The following PBX1 variants were observed in gnomAD, a reference collection of about 807,000 sequenced individuals.
PBX1 encodes PBX homeobox 1.
In PBX1, 6 loss-of-function variants were observed where a neutral mutation model predicts 53.4. The ratio of observed to expected loss-of-function variants is 0.11; its 90% CI spans 0.06 to 0.22. The LOEUF is 0.22. Among genes scored for constraint, PBX1 ranks in the 10% least tolerant of loss-of-function variants. PBX1 has a pLI of 1.00. For synonymous variants in PBX1, 204 were observed against 212.3 expected, an observed-to-expected ratio of 0.96 and a Z score of 0.34; for missense variants, 251 against 551.4, an observed-to-expected ratio of 0.46 and a Z score of 5.46.
chr1:164,778,506 G>C (rs1051446056), intron 2 of PBX1, among the ~76,000 whole-genome samples: 1 of 152,040 alleles, frequency 6.6e-6, no homozygotes, highest in Non-Finnish European at 1.5e-5. Context: ...GCGTGGTAGT[G>C]TGTGCCTGTA....
intron 2 of PBX1, among the ~76,000 whole-genome samples, chr1:164,598,461 G>C (rs7535204): frequency 0.49 from 75,039 of 151,940 alleles, 19,169 homozygotes; most frequent in Middle Eastern, 0.56. Flanking sequence ...TATCTCTCCA[G>C]TCCAAACCTT....
chr1:164,615,168 A>G (rs1657186725), intron 2 of PBX1, among the ~76,000 whole-genome samples: 1 of 152,184 alleles, frequency 6.6e-6, no homozygotes, highest in African/African-American at 2.4e-5. Flanking sequence ...AGTCAAAGGA[A>G]GTTTATGGAC....
intron 2 of PBX1, among the ~76,000 whole-genome samples, chr1:164,720,381 T>C (rs562473245): frequency 6.6e-6 from 1 of 152,268 alleles, no homozygotes; most frequent in Non-Finnish European, 1.5e-5. Context: ...TTTTACTGTA[T>C]GTGAAGTCAC....
At chr1:164,732,251 A>C (rs904852995) in intron 2 of PBX1, among the ~76,000 whole-genome samples, 8 of 152,152 alleles carry the variant, frequency 5.3e-5, no homozygotes, top group African/African-American at 1.7e-4. Flanking sequence ...TTTTTGAAGT[A>C]AGGAATTGAT....
chr1:164,563,184 G>T, intron 1 of PBX1, 54 bp from the exon 2 acceptor site: 1 of 1,211,766 alleles, frequency 8.3e-7, no homozygotes, highest in East Asian at 2.4e-5. Flanking sequence ...GTGCATTATC[G>T]GCAGTTTGAT....
chr1:164,703,945 G>T (rs1663278340), intron 2 of PBX1, among the ~76,000 whole-genome samples: 2 of 152,118 alleles, frequency 1.3e-5, no homozygotes, highest in Admixed American at 1.3e-4. Flanking sequence ...GCCCTGAATT[G>T]CATTTGAATC....
In PBX1 at chr1:164,769,985, G is replaced by A. The variant is rs1033128101; in HGVS notation, c.266-22509G>A. The A allele has an allele frequency of 3.3e-5, 5 of 152,232 alleles. No individual in the cohort carries two copies. In the East Asian group the frequency reaches 9.7e-4, roughly 29 times the overall value. The allele number at this position is 152,232 out of a possible 1,614,324, so 9.4% of individuals were successfully genotyped here. ...AAGCCCAGGGTAGTGCAAAGAGCATGGACATTGAAGAACTGCACTTGCGTA... is the reference window on the plus strand; with the variant it reads ...AAGCCCAGGGTAGTGCAAAGAGCATAGACATTGAAGAACTGCACTTGCGTA... On this transcript the variant is annotated intron_variant, in intron 2 of 8. Coordinates refer to ENST00000420696, the MANE Select transcript of PBX1 (RefSeq NM_002585.4).
At chr1:164,618,301 G>GT (rs1023397998) in intron 2 of PBX1, among the ~76,000 whole-genome samples, 1 of 142,182 alleles carries the variant, frequency 7.0e-6, no homozygotes, top group South Asian at 2.3e-4. Context: ...TCACGGCGGG[G>GT]GGGGGGGGGC....
chr1:164,796,960 G>A (rs1486292032), intron 3 of PBX1, among the ~76,000 whole-genome samples: 1 of 152,168 alleles, frequency 6.6e-6, no homozygotes, highest in African/African-American at 2.4e-5. Flanking sequence ...AGGGAAGTGA[G>A]GAGGAGGTAT....
At chr1:164,698,152 G>GT (rs924743890) in intron 2 of PBX1, among the ~76,000 whole-genome samples, 13 of 152,018 alleles carry the variant, frequency 8.6e-5, no homozygotes, top group Admixed American at 2.0e-4. Flanking sequence ...ACCTCAGTAT[G>GT]TTTTTTTTCC....
chr1:164,868,489 G>C (rs750536329), intron 2 of PBX1, among the ~76,000 whole-genome samples: 9 of 152,144 alleles, frequency 5.9e-5, no homozygotes, highest in African/African-American at 1.2e-4. Flanking sequence ...AGAGAGAAAG[G>C]CCTCCCATGA....
chr1:164,650,578 C>T (rs1659743201), intron 2 of PBX1, among the ~76,000 whole-genome samples: 1 of 152,136 alleles, frequency 6.6e-6, no homozygotes, highest in African/African-American at 2.4e-5. Context: ...AGTCTGTTTA[C>T]AGTCTGCATT....
intron 2 of PBX1, chr1:164,700,510 C>T (rs1663057292): frequency 1.0e-6 from 1 of 985,314 alleles, no homozygotes; most frequent in Non-Finnish European, 1.2e-6. Context: ...CTCTTCGTAG[C>T]AAATACTAGC....
intron 2 of PBX1, among the ~76,000 whole-genome samples, chr1:164,883,841 A>G (rs1672717843): frequency 1.3e-5 from 2 of 152,206 alleles, no homozygotes; most frequent in African/African-American, 4.8e-5. Flanking sequence ...TTTTTCTCTG[A>G]CAATGTTTTT....
chr1:164,563,185 G>A (rs954711955), intron 1 of PBX1, 53 bp from the exon 2 acceptor site: 20 of 1,224,656 alleles, frequency 1.6e-5, no homozygotes, highest in Non-Finnish European at 2.3e-5. Context: ...TGCATTATCG[G>A]CAGTTTGATC....
intron 2 of PBX1, among the ~76,000 whole-genome samples, chr1:164,746,023 G>C (rs1232149789): frequency 6.6e-6 from 1 of 152,202 alleles, no homozygotes; most frequent in African/African-American, 2.4e-5. Flanking sequence ...CACCTAGAGA[G>C]GCATACGATT....
intron 8 of PBX1, among the ~76,000 whole-genome samples, chr1:164,841,689 A>G (rs756322790): frequency 6.6e-6 from 1 of 152,148 alleles, no homozygotes; most frequent in Non-Finnish European, 1.5e-5. Flanking sequence ...TTCTAGCTTG[A>G]TAGAAGAGTG....
intron 2 of PBX1, among the ~76,000 whole-genome samples, chr1:164,691,421 C>T (rs1206017103): frequency 1.3e-5 from 2 of 152,184 alleles, no homozygotes; most frequent in African/African-American, 4.8e-5. Flanking sequence ...GGGCATATGA[C>T]ATTTCCTTAT....
intron 4 of PBX1, among the ~76,000 whole-genome samples, chr1:164,802,872 T>G (rs1015508389): frequency 6.7e-6 from 1 of 148,860 alleles, no homozygotes; most frequent in African/African-American, 2.5e-5. Flanking sequence ...TAAATAACAT[T>G]TTTTTTTTTT....
Sources: allele counts gnomAD v4.1 joint callset (sites outside exome capture counted in the v4.1 genomes callset), GRCh38; gene constraint gnomAD v4.1.1; transcripts MANE v1.5; gene names NCBI Gene and HGNC (gene_info 2026-07-23, HGNC 2026-07-21).